WDR64: variants seen among roughly 807,000 people sequenced by gnomAD.
WDR64 encodes WD repeat domain 64.
In WDR64, 112 loss-of-function variants were observed where a neutral mutation model predicts 139.3. That is an observed-to-expected ratio of 0.80 (90% CI 0.69 to 0.94). The LOEUF (loss-of-function observed/expected upper bound fraction) is 0.94, where lower values mean the gene tolerates loss of function less well. Among genes scored for constraint, WDR64 ranks in the 40% least tolerant of loss-of-function variants. WDR64 has a pLI of 0.00. For synonymous variants in WDR64, 444 were observed against 437.7 expected, an observed-to-expected ratio of 1.01 and a Z score of -0.18; for missense variants, 1,206 against 1,293.1, an observed-to-expected ratio of 0.93 and a Z score of 1.03.
intron 10 of WDR64, among the ~76,000 whole-genome samples, chr1:241,734,159 C>A (rs1305141241): frequency 6.6e-6 from 1 of 152,108 alleles, no homozygotes; most frequent in African/African-American, 2.4e-5. Flanking sequence ...AGAATGCAAC[C>A]TGTGTCTCTT....
At chr1:241,730,708 C>A (rs1470177404) in intron 10 of WDR64, among the ~76,000 whole-genome samples, 1 of 152,118 alleles carries the variant, frequency 6.6e-6, no homozygotes, top group Non-Finnish European at 1.5e-5. Context: ...CAATATATGA[C>A]CCCCTGCTAA....
At chr1:241,792,187 T>C (rs1412910045) in intron 25 of WDR64, among the ~76,000 whole-genome samples, 1 of 152,144 alleles carries the variant, frequency 6.6e-6, no homozygotes, top group Non-Finnish European at 1.5e-5. Flanking sequence ...CCTTGCCATA[T>C]CTATAACCTC....
At chr1:241,690,776 A>C (rs1302942494) in intron 8 of WDR64, among the ~76,000 whole-genome samples, 1 of 152,180 alleles carries the variant, frequency 6.6e-6, no homozygotes, top group Non-Finnish European at 1.5e-5. Flanking sequence ...GCCGTAAGTC[A>C]GAAACTTGCA....
intron 26 of WDR64, among the ~76,000 whole-genome samples, chr1:241,795,513 A>G (rs1659339764): frequency 6.6e-6 from 1 of 151,858 alleles, no homozygotes. Flanking sequence ...TTTGAACGTT[A>G]CTCTGTTGGC....
At chr1:241,693,165 A>T (rs1035388828) in intron 8 of WDR64, among the ~76,000 whole-genome samples, 1 of 152,254 alleles carries the variant, frequency 6.6e-6, no homozygotes, top group African/African-American at 2.4e-5. Flanking sequence ...GCAACAAAGA[A>T]ATCTTCAGTA....
At chr1:241,787,757 C>G in intron 23 of WDR64, 92 bp from the exon 24 acceptor site, 3 of 1,079,562 alleles carry the variant, frequency 2.8e-6, no homozygotes, top group Non-Finnish European at 3.9e-6. Context: ...CTTGATGGAC[C>G]AGCGCTAATT....
intron 2 of WDR64, among the ~76,000 whole-genome samples, chr1:241,666,244 G>A (rs1357540388): frequency 2.6e-5 from 4 of 152,178 alleles, no homozygotes; most frequent in Non-Finnish European, 5.9e-5. Flanking sequence ...AGAAATTTGA[G>A]ATCGTAGAGG....
intron 7 of WDR64, 66 bp downstream of exon 7, chr1:241,683,767 G>C: frequency 8.3e-7 from 1 of 1,203,812 alleles, no homozygotes; most frequent in Non-Finnish European, 1.1e-6. Flanking sequence ...TAAGCTTTAT[G>C]GTACAAAGTG....
In WDR64 at chr1:241,675,014, T is replaced by C. The variant is rs1666437133; in HGVS notation, c.483+267T>C. 2.3e-4 allele frequency among the ~76,000 whole-genome samples: 7 copies of C among 29,920 alleles called. 1 individual carries two copies. The highest frequency in any genetic ancestry group is 6.2e-4 in the East Asian group (1 of 1,622). The allele number at this position is 29,920 out of a possible 152,430, so 19.6% of individuals were successfully genotyped here. On this transcript the variant is annotated intron_variant, in intron 4 of 27. Transcript: ENST00000437684. ...CTTTCTCCCTCCCTCTCTTCCTTCC[T>C]TTCTTCTTCCTTCCCTCCCTCCTTC...
chr1:241,746,553 T>C (rs900746405), intron 13 of WDR64, among the ~76,000 whole-genome samples: 2 of 149,946 alleles, frequency 1.3e-5, no homozygotes, highest in African/African-American at 4.9e-5. Flanking sequence ...GCAGATTTAT[T>C]GATAATAACC....
At chr1:241,746,583 A>ATTTT (rs1558504458) in intron 13 of WDR64, among the ~76,000 whole-genome samples, 1 of 151,332 alleles carries the variant, frequency 6.6e-6, no homozygotes, top group African/African-American at 2.4e-5. Context: ...AAAAAAAAAA[A>ATTTT]TTTTCAACAG....
At chr1:241,744,294 A>G (rs1669662990) in intron 12 of WDR64, 99 bp from the exon 13 acceptor site, 1 of 1,433,816 alleles carries the variant, frequency 7.0e-7, no homozygotes, top group East Asian at 2.3e-5. Context: ...AGATGTACAG[A>G]GTTCCATTTT....
rs572673469 is a variant in WDR64 at position 241,774,555 on chromosome 1, T to C, written c.2431-550T>C. Reference sequence around the variant, plus strand: ...AGTCTTTCCCAGTGCTGGCTTATACTGAGCGCTGAAAAACAACCTGTTTGA... The same window carrying C: ...AGTCTTTCCCAGTGCTGGCTTATACCGAGCGCTGAAAAACAACCTGTTTGA... On this transcript the variant is annotated intron_variant, in intron 20 of 27. Transcript: ENST00000437684. 1.2e-4 allele frequency among the ~76,000 whole-genome samples: 19 copies of C among 152,344 alleles called. 1 individual carries two copies. The South Asian group carries it at 3.7e-3, about 30-fold the overall frequency.
chr1:241,783,323 G>A lies in WDR64; in HGVS notation c.2647G>A (p.Val883Ile), dbSNP rs912781100. 3.1e-6 allele frequency: 5 copies of A among 1,613,830 alleles called. No homozygotes were observed. The highest frequency in any genetic ancestry group is 4.2e-6 in the Non-Finnish European group (5 of 1,179,964). ...TGCTCATTCTTTGGAAATTATTCAAGTAATCTATGTAGAAGAAAAACAAGT... is the reference window on the plus strand; with the variant it reads ...TGCTCATTCTTTGGAAATTATTCAAATAATCTATGTAGAAGAAAAACAAGT... ...WRAHSLEIIQ[V>I]IYVEEKQVVL... The change falls in exon 23 of 28, where the codon GTA becomes ATA. Residue 883 changes from valine to isoleucine, a missense_variant. By Grantham distance (29) the Val-to-Ile change is conservative. Transcript: ENST00000437684.
intron 5 of WDR64, among the ~76,000 whole-genome samples, chr1:241,678,431 G>C (rs10926531): frequency 0.15 from 23,037 of 152,132 alleles, 1,769 homozygotes; most frequent in Admixed American, 0.2. Context: ...ACTGACTGCA[G>C]AGAATTGCTT....
intron 20 of WDR64, 96 bp downstream of exon 20, chr1:241,773,027 T>G: frequency 7.4e-7 from 1 of 1,344,968 alleles, no homozygotes; most frequent in Non-Finnish European, 9.7e-7. Flanking sequence ...GGCATCCAAT[T>G]ATAATATTTT....
At chr1:241,697,973 C>G (rs1574018148) in intron 8 of WDR64, among the ~76,000 whole-genome samples, 2 of 152,264 alleles carry the variant, frequency 1.3e-5, no homozygotes, top group African/African-American at 4.8e-5. Flanking sequence ...TCTCTAGCAT[C>G]AGGTCCTTAG....
chr1:241,682,118 T>C (rs970659627), intron 6 of WDR64, among the ~76,000 whole-genome samples: 10 of 152,236 alleles, frequency 6.6e-5, no homozygotes, highest in African/African-American at 2.4e-4. Flanking sequence ...GTGCAAAAGC[T>C]CTTTAGCTTA....
At chr1:241,769,308 AGG>A in intron 16 of WDR64, 94 bp from the exon 17 acceptor site, 1 of 893,992 alleles carries the variant, frequency 1.1e-6, no homozygotes, top group Non-Finnish European at 1.7e-6. Context: ...TTAGCATTTG[AGG>A]AATTGCCTAG....
Sources: allele counts gnomAD v4.1 joint callset (sites outside exome capture counted in the v4.1 genomes callset), GRCh38; gene constraint gnomAD v4.1.1; transcripts MANE v1.5; gene names NCBI Gene and HGNC (gene_info 2026-07-23, HGNC 2026-07-21).